GCN1: variants seen among roughly 807,000 people sequenced by gnomAD.
The protein encoded by GCN1 is GCN1 activator of EIF2AK4, also known as stalled ribosome sensor GCN1.
A neutral mutation model predicts 288.4 loss-of-function variants in GCN1; 90 were observed. The ratio of observed to expected loss-of-function variants is 0.31; its 90% CI spans 0.26 to 0.37. GCN1 has a LOEUF of 0.37. GCN1 is among the 10% of genes least tolerant of loss of function. GCN1 has a pLI of 1.00. For missense variants in GCN1, 2,586 were observed against 3,419.9 expected, an observed-to-expected ratio of 0.76 and a Z score of 6.08; for synonymous variants, 1,386 against 1,420.2, an observed-to-expected ratio of 0.98 and a Z score of 0.54.
chr12:120,176,358 G>A, intron 9 of GCN1, 141 bp from the exon 10 acceptor site: 1 of 623,592 alleles, frequency 1.6e-6, no homozygotes, highest in Non-Finnish European at 2.9e-6. Flanking sequence ...TAGTCCCAAA[G>A]CTCTGCTGAA....
At chr12:120,173,912 T>G (rs1878387840) in intron 13 of GCN1, 86 bp from the exon 14 acceptor site, 2 of 1,213,314 alleles carry the variant, frequency 1.6e-6, no homozygotes, top group Admixed American at 1.9e-5. Context: ...CAAGCCAGAG[T>G]ACAAGCGGGA....
Position 120,141,042 on chromosome 12 carries a change from C to T in GCN1, c.5830-19G>A, listed in dbSNP as rs1877174427. On this transcript the variant is annotated intron_variant, in intron 44 of 57. Transcript: ENST00000300648. ...CTGCAATCTGTCAACAGAGACCAATCCAGGAAGTAAAGTCCCTGCAAAGCC... is the reference window on the plus strand; with the variant it reads ...CTGCAATCTGTCAACAGAGACCAATTCAGGAAGTAAAGTCCCTGCAAAGCC... 1 of 1,603,148 alleles carries T rather than the reference C, an allele frequency of 6.2e-7. No homozygotes were observed. Among genetic ancestry groups the T allele is most frequent in the African/African-American group, 1.3e-5 (1 of 74,920 alleles).
chr12:120,158,673 C>T lies in GCN1; in HGVS notation c.2750-58G>A, dbSNP rs1877830392. Reference sequence around the variant, plus strand: ...GACACACAGAGATGTGGAATCCAGCCCAGGCTAAAACAGGGGACCCAGTGC... The same window carrying T: ...GACACACAGAGATGTGGAATCCAGCTCAGGCTAAAACAGGGGACCCAGTGC... On this transcript the variant is annotated intron_variant, in intron 24 of 57. Transcript: ENST00000300648. This position sits in a 1 kb window ranked among gnomAD's most constrained non-coding sequence, Gnocchi z 4.3. 2.7e-6 allele frequency: 4 copies of T among 1,466,144 alleles called. No individual in the cohort carries two copies. The highest frequency in any genetic ancestry group is 4.3e-5 in the Admixed American group (2 of 46,446). The allele number at this position is 1,466,144 out of a possible 1,614,324, so 90.8% of individuals were successfully genotyped here. A position where few individuals can be genotyped will look rare whatever the true frequency, so the allele number is the denominator to read the frequency against.
intron 10 of GCN1, 41 bp downstream of exon 10, chr12:120,176,102 A>G (rs764690956): frequency 1.4e-6 from 2 of 1,463,002 alleles, no homozygotes; most frequent in African/African-American, 2.8e-5. Flanking sequence ...AACCAAACCC[A>G]AGGTGACACT....
intron 24 of GCN1, among the ~76,000 whole-genome samples, chr12:120,159,218 C>A (rs1594274349): frequency 6.6e-6 from 1 of 152,104 alleles, no homozygotes; most frequent in African/African-American, 2.4e-5. Context: ...TCCACCTCTA[C>A]GCAACAAGCC....
At chr12:120,176,929 A>AT (rs1190322133) in intron 9 of GCN1, among the ~76,000 whole-genome samples, 3 of 151,944 alleles carry the variant, frequency 2.0e-5, no homozygotes. Flanking sequence ...ACCACGCCTA[A>AT]TTTTTTTCGT....
intron 3 of GCN1, 21 bp downstream of exon 3, chr12:120,184,803 G>A (rs529789564): frequency 1.3e-6 from 2 of 1,571,074 alleles, no homozygotes; most frequent in South Asian, 1.1e-5. Context: ...TCCACATATG[G>A]GGCCTTTGGC....
At position 120,155,161 on chromosome 12, in the gene GCN1, T is replaced by C; in HGVS notation, c.3630+80A>G. ...GCCACCGTGAGCCCCGAGATTCCTG[T>C]CTGGAGCAGTAGCGGGGTGAGCAGA... On this transcript the variant is annotated intron_variant, in intron 30 of 57. Coordinates refer to ENST00000300648, the MANE Select transcript of GCN1 (RefSeq NM_006836.2). The surrounding 1 kb of genome is among the most constrained non-coding windows in gnomAD (Gnocchi z 4.9). The C allele has an allele frequency of 6.5e-7, 1 of 1,536,572 alleles. No homozygotes were observed. The highest frequency in any genetic ancestry group is 9.0e-7 in the Non-Finnish European group (1 of 1,110,188).
Position 120,163,309 on chromosome 12 carries a change from G to A in GCN1, c.1849-50C>T, listed in dbSNP as rs764412124. The A allele has an allele frequency of 6.3e-6, 9 of 1,421,208 alleles. No homozygotes were observed. In the South Asian group the frequency reaches 1.0e-4, roughly 16 times the overall value. The allele number at this position is 1,421,208 out of a possible 1,614,324, so 88.0% of individuals were successfully genotyped here. On this transcript the variant is annotated intron_variant, in intron 18 of 57. Transcript: ENST00000300648. ...ACTGCTAAGAGCCCTGTGCAGGCTTGGAACACAGGAACCAAATATGCTACG... is the reference window on the plus strand; with the variant it reads ...ACTGCTAAGAGCCCTGTGCAGGCTTAGAACACAGGAACCAAATATGCTACG...
chr12:120,153,597 CT>C lies in GCN1; in HGVS notation c.3867+146del. 1 of 898,794 alleles carries C rather than the reference CT, an allele frequency of 1.1e-6. No homozygotes were observed. Among genetic ancestry groups the C allele is most frequent in the Non-Finnish European group, 1.7e-6 (1 of 583,014 alleles). The allele number at this position is 898,794 out of a possible 1,614,324, so 55.7% of individuals were successfully genotyped here. ...AAAGAATTTAACACACTATCATGGT[CT>C]TTTTGGCTCAAAGTGCTCTGCCAGG... On this transcript the variant is annotated intron_variant, in intron 32 of 57. Transcript: ENST00000300648. This position sits in a 1 kb window ranked among gnomAD's most constrained non-coding sequence, Gnocchi z 4.4.
Position 120,170,316 on chromosome 12 carries a change from T to TAA in GCN1, c.1371_1372insTT (p.Thr458LeufsTer41). 6.2e-7 allele frequency: 1 copy of TAA among 1,614,004 alleles called. No individual in the cohort carries two copies. Among genetic ancestry groups the TAA allele is most frequent in the Non-Finnish European group, 8.5e-7 (1 of 1,179,858 alleles). On this transcript the variant is annotated frameshift_variant, in exon 15 of 58. Coordinates refer to ENST00000300648, the MANE Select transcript of GCN1 (RefSeq NM_006836.2). LOFTEE classifies it high-confidence loss of function. ...AGTAAGTCCAGGGCCTGCAACAGCGTGTCACCTGTGGAGAGAGGACAAGCA... is the reference window on the plus strand; with the variant it reads ...AGTAAGTCCAGGGCCTGCAACAGCGTAAGTCACCTGTGGAGAGAGGACAAGCA...
Position 120,142,567 on chromosome 12 carries a change from T to A in GCN1, c.5769A>T (p.Leu1923=). The A allele has an allele frequency of 6.2e-7, 1 of 1,613,958 alleles. No individual in the cohort carries two copies. The highest frequency in any genetic ancestry group is 8.5e-7 in the Non-Finnish European group (1 of 1,180,004). ...CCAGCAGGAGCCCAAAGAGAGTGGG[T>A]AGGATCTCACGCAAGGTGCGGGGGG... ...SNTPRTLREI[L]PTLFGLLLGF... Residue 1923 remains leucine, a synonymous_variant, in exon 44 of 58, where the codon CTA becomes CTT. Coordinates refer to ENST00000300648, the MANE Select transcript of GCN1 (RefSeq NM_006836.2). This position sits in a 1 kb window ranked among gnomAD's most constrained non-coding sequence, Gnocchi z 4.9.
intron 16 of GCN1, among the ~76,000 whole-genome samples, chr12:120,167,670 T>A (rs1878177382): frequency 6.6e-6 from 1 of 152,136 alleles, no homozygotes; most frequent in African/African-American, 2.4e-5. Flanking sequence ...TAGCTAAAAA[T>A]TTTTCTAAAA....
rs370555428 is a variant in GCN1 at position 120,178,691 on chromosome 12, G to A, written c.594C>T (p.Gly198=). ...LSLEPNQNYA[G]MLGLLVQFCT... ...AGAACTGCACCAGCAGCCCCAGCATGCCAGCATAGTTCTGGTTGGGCTCTA... is the reference window on the plus strand; with the variant it reads ...AGAACTGCACCAGCAGCCCCAGCATACCAGCATAGTTCTGGTTGGGCTCTA... The change falls in exon 7 of 58, where the codon GGC becomes GGT. Residue 198 remains glycine (G), a synonymous_variant. Coordinates refer to ENST00000300648, the MANE Select transcript of GCN1 (RefSeq NM_006836.2). 6.2e-7 allele frequency: 1 copy of A among 1,614,038 alleles called. No individual in the cohort carries two copies. The highest frequency in any genetic ancestry group is 1.3e-5 in the African/African-American group (1 of 75,058).
chr12:120,159,691 C>T, intron 24 of GCN1, 134 bp downstream of exon 24: 2 of 729,588 alleles, frequency 2.7e-6, no homozygotes, highest in Admixed American at 2.2e-5. Flanking sequence ...GTCTCCAAGG[C>T]TGCTTCCACA....
chr12:120,176,540 G>A lies in GCN1; in HGVS notation c.839-323C>T, dbSNP rs375014473. ...ACAGAGGAGGTTCTTAACCTGAATC[G>A]TCTCCAGAAAGTTCTTTTGGGGAGG... is the stretch of plus-strand genomic sequence containing the variant. On this transcript the variant is annotated intron_variant, in intron 9 of 57. Coordinates refer to ENST00000300648, the MANE Select transcript of GCN1 (RefSeq NM_006836.2). Among the ~76,000 whole-genome samples, 9 of 152,240 alleles carry A rather than the reference G, an allele frequency of 5.9e-5. No individual in the cohort carries two copies. The East Asian group carries it at 9.6e-4, about 16-fold the overall frequency.
At chr12:120,146,265 CAAA>C (rs59213540) in intron 38 of GCN1, among the ~76,000 whole-genome samples, 1 of 61,298 alleles carries the variant, frequency 1.6e-5, no homozygotes. Context: ...GACTCCATCT[CAAA>C]AAAAAAAAAA....
chr12:120,156,364 C>T lies in GCN1; in HGVS notation c.3312+97G>A, dbSNP rs1877746635. On this transcript the variant is annotated intron_variant, in intron 28 of 57. Coordinates refer to ENST00000300648, the MANE Select transcript of GCN1 (RefSeq NM_006836.2). The surrounding 1 kb of genome is among the most constrained non-coding windows in gnomAD (Gnocchi z 5.8). ...CTTCTCTTTGCCTCTAGGCCTCCCA[C>T]CAGAGTGAGGGACATTCTCTCAAAT... is the stretch of plus-strand genomic sequence containing the variant. 6 of 1,265,694 alleles carry T rather than the reference C, an allele frequency of 4.7e-6. No individual in the cohort carries two copies. Among genetic ancestry groups the T allele is most frequent in the Admixed American group, 1.8e-5 (1 of 55,998 alleles). 78.4% of individuals were successfully genotyped at this position (1,265,694 alleles called of 1,614,324 possible). A position where few individuals can be genotyped will look rare whatever the true frequency, so the allele number is the denominator to read the frequency against.
chr12:120,154,641 C>T (rs917079400), intron 31 of GCN1, among the ~76,000 whole-genome samples: 4 of 152,216 alleles, frequency 2.6e-5, no homozygotes, highest in African/African-American at 7.2e-5. Context: ...CTCACGGTCA[C>T]GCAGCTAGTG....
Sources: gnomAD v4.1 joint callset for allele counts (sites outside exome capture counted in the v4.1 genomes callset) on GRCh38, gnomAD v4.1.1 for gene constraint, Gnocchi (gnomAD v3.1) non-coding constraint, MANE v1.5 for transcripts, NCBI Gene and HGNC (gene_info 2026-07-23, HGNC 2026-07-21) for gene names.